AGMO: variants seen among roughly 807,000 people sequenced by gnomAD.
AGMO encodes the protein alkylglycerol monooxygenase.
A neutral mutation model predicts 60.2 loss-of-function variants in AGMO; 75 were observed. The ratio of observed to expected loss-of-function variants is 1.25; its 90% CI spans 1.03 to 1.51. AGMO has a LOEUF of 1.51. Among genes scored for constraint, AGMO ranks in the 40% most tolerant of loss-of-function variants. The pLI, the probability that AGMO is intolerant of heterozygous loss-of-function variation, is 0.00. For missense variants in AGMO, 763 were observed against 525.5 expected (o/e 1.45, Z -4.42); for synonymous variants, 261 against 177.1 (o/e 1.47, Z -3.76).
chr7:15,402,324 T>G, intron 5 of AGMO, among the ~76,000 whole-genome samples: 1 of 151,852 alleles, frequency 6.6e-6, no homozygotes, highest in African/African-American at 2.4e-5. Context: ...CTCTCTCTTC[T>G]TCTTCTCTTT....
intron 12 of AGMO, among the ~76,000 whole-genome samples, chr7:15,334,168 A>C (rs1288254559): frequency 3.3e-5 from 5 of 152,118 alleles, no homozygotes; most frequent in African/African-American, 4.8e-5. Context: ...AAAAGATGTA[A>C]AGAGAAAATA....
intron 12 of AGMO, among the ~76,000 whole-genome samples, chr7:15,334,161 A>G (rs546059571): frequency 6.6e-6 from 1 of 152,230 alleles, no homozygotes; most frequent in East Asian, 1.9e-4. Flanking sequence ...ACAAAAGAAA[A>G]GATGTAAAGA....
chr7:15,498,360 A>G (rs1033233257), intron 3 of AGMO, among the ~76,000 whole-genome samples: 2 of 152,028 alleles, frequency 1.3e-5, no homozygotes, highest in Non-Finnish European at 2.9e-5. Context: ...TATTTTTTGC[A>G]TCAGAAAACT....
chr7:15,205,082 G>C (rs1304504719), intron 12 of AGMO, among the ~76,000 whole-genome samples: 2 of 152,176 alleles, frequency 1.3e-5, no homozygotes, highest in African/African-American at 4.8e-5. Flanking sequence ...TAGTGTGCTT[G>C]TTGCATGCTC....
chr7:15,166,012 T>G, the AGMO span, among the ~76,000 whole-genome samples: 46 of 152,192 alleles, frequency 3.0e-4, no homozygotes, highest in Non-Finnish European at 5.4e-4. Context: ...TCAATAATTG[T>G]GTACCTACCA....
chr7:15,362,056 C>G (rs899973978), intron 12 of AGMO, among the ~76,000 whole-genome samples: 2 of 152,126 alleles, frequency 1.3e-5, no homozygotes, highest in Admixed American at 1.3e-4. Flanking sequence ...ACAATCACTC[C>G]TAGTCAGTCA....
chr7:15,341,480 A>C (rs938840516), intron 12 of AGMO, among the ~76,000 whole-genome samples: 2 of 152,108 alleles, frequency 1.3e-5, no homozygotes, highest in Non-Finnish European at 2.9e-5. Flanking sequence ...TGTCCATATC[A>C]CTATCAGCAT....
intron 2 of AGMO, among the ~76,000 whole-genome samples, chr7:15,546,254 C>T (rs115466762): frequency 0.013 from 1,912 of 152,116 alleles, 27 homozygotes; most frequent in African/African-American, 0.043. Flanking sequence ...TTAATATATG[C>T]AACTCAGAGA....
chr7:15,198,247 GAGAGAGA>G, downstream of AGMO, among the ~76,000 whole-genome samples: 2 of 85,000 alleles, frequency 2.4e-5, no homozygotes, highest in East Asian at 5.3e-4. Flanking sequence ...GAGAGAGAGA[GAGAGAGA>G]GACAGAGACA....
chr7:15,336,659 A>T (rs765194512), intron 12 of AGMO, among the ~76,000 whole-genome samples: 2 of 152,200 alleles, frequency 1.3e-5, no homozygotes. Context: ...TGTTATATTC[A>T]TCAAGTATTT....
At chr7:15,393,969 G>T (rs1784258419) in intron 6 of AGMO, 144 bp downstream of exon 6, 1 of 281,508 alleles carries the variant, frequency 3.6e-6, no homozygotes. Flanking sequence ...TTGTACCAAA[G>T]AAGATAGAAA....
At chr7:15,488,192 A>G (rs1195839262) in intron 3 of AGMO, among the ~76,000 whole-genome samples, 1 of 152,188 alleles carries the variant, frequency 6.6e-6, no homozygotes, top group Non-Finnish European at 1.5e-5. Context: ...AGCTGAGCAG[A>G]AGGTAGAAAG....
At chr7:15,531,443 A>C (rs1456390637) in intron 3 of AGMO, among the ~76,000 whole-genome samples, 1 of 61,986 alleles carries the variant, frequency 1.6e-5, no homozygotes, top group Non-Finnish European at 2.6e-5. Flanking sequence ...TATATATTCT[A>C]TATATATTCT....
chr7:15,362,536 C>A (rs1782806527), intron 12 of AGMO, among the ~76,000 whole-genome samples: 1 of 152,118 alleles, frequency 6.6e-6, no homozygotes, highest in South Asian at 2.1e-4. Context: ...CTTCATTTTT[C>A]CACCAAACCA....
At chr7:15,324,371 T>G (rs79633988) in intron 12 of AGMO, among the ~76,000 whole-genome samples, 16,059 of 152,234 alleles carry the variant, frequency 0.11, 935 homozygotes, top group East Asian at 0.23. Flanking sequence ...TCCTAGTTGC[T>G]GATGTTCTAT....
the AGMO span, among the ~76,000 whole-genome samples, chr7:15,170,290 T>G: frequency 6.6e-6 from 1 of 152,240 alleles, no homozygotes; most frequent in Non-Finnish European, 1.5e-5. Context: ...TACATTTGTT[T>G]ATTGCGTGCT....
At chr7:15,305,441 T>C (rs1388770518) in intron 12 of AGMO, among the ~76,000 whole-genome samples, 1 of 152,056 alleles carries the variant, frequency 6.6e-6, no homozygotes. Context: ...GAAACATGAA[T>C]GATCAAAGTT....
chr7:15,373,306 G>A (rs955706050), intron 10 of AGMO, among the ~76,000 whole-genome samples: 6 of 151,760 alleles, frequency 4.0e-5, no homozygotes, highest in African/African-American at 1.2e-4. Context: ...TTGGTAGCTC[G>A]TTTTCATAGG....
chr7:15,523,374 C>T (rs1784050642), intron 3 of AGMO, among the ~76,000 whole-genome samples: 1 of 152,208 alleles, frequency 6.6e-6, no homozygotes, highest in Non-Finnish European at 1.5e-5. Flanking sequence ...TATAAAGACA[C>T]ATGCACACAT....
Sources: allele counts gnomAD v4.1 joint callset (sites outside exome capture counted in the v4.1 genomes callset), GRCh38; gene constraint gnomAD v4.1.1; transcripts MANE v1.5; gene names NCBI Gene and HGNC (gene_info 2026-07-23, HGNC 2026-07-21).